CPQ: variants seen among roughly 807,000 people sequenced by gnomAD.
The protein encoded by CPQ is Ser-Met dipeptidase.
Under a neutral mutation model 45.7 loss-of-function variants are expected in CPQ, and 37 were observed. The ratio of observed to expected loss-of-function variants is 0.81; its 90% CI spans 0.62 to 1.07. The LOEUF is 1.07. Among genes scored for constraint, CPQ ranks in the 50% least tolerant of loss-of-function variants. The pLI is 0.00. For synonymous variants in CPQ, 186 were observed against 205.8 expected (o/e 0.90, Z 0.82); for missense variants, 537 against 572.9 (o/e 0.94, Z 0.64).
intron 7 of CPQ, among the ~76,000 whole-genome samples, chr8:97,129,372 C>G (rs2130619960): frequency 6.6e-6 from 1 of 152,252 alleles, no homozygotes; most frequent in East Asian, 1.9e-4. Flanking sequence ...TGCTTATAAT[C>G]ATCATTATTA....
rs1168980922 is a variant in CPQ at position 97,029,419 on chromosome 8, G to A, written c.978G>A (p.Arg326=). The change falls in exon 6 of 8, where the codon AGG becomes AGA. Residue 326 remains arginine, a synonymous_variant. Transcript: ENST00000220763. ...TTTTCCCAGGGCTGCGTCCAAAGAG[G>A]ACTCTGCGGCTGGTGCTCTGGACTG... ...LIKDLGLRPK[R]TLRLVLWTAE... The A allele has an allele frequency of 6.2e-7, 1 of 1,607,272 alleles. No individual in the cohort carries two copies. Among genetic ancestry groups the A allele is most frequent in the Non-Finnish European group, 8.5e-7 (1 of 1,176,426 alleles).
chr8:97,022,755 T>C (rs1315000953), intron 5 of CPQ, among the ~76,000 whole-genome samples: 1 of 151,686 alleles, frequency 6.6e-6, no homozygotes, highest in Non-Finnish European at 1.5e-5. Context: ...ATGCAGTGAA[T>C]AGGGAACACT....
At chr8:97,064,393 T>C (rs116892119) in intron 6 of CPQ, among the ~76,000 whole-genome samples, 3,902 of 152,264 alleles carry the variant, frequency 0.026, 58 homozygotes, top group Middle Eastern at 0.068. Context: ...TGTAAGACAT[T>C]AATGCAAATA....
chr8:97,009,351 T>C (rs915708434), intron 5 of CPQ, among the ~76,000 whole-genome samples: 4 of 152,208 alleles, frequency 2.6e-5, no homozygotes, highest in Non-Finnish European at 1.5e-5. Flanking sequence ...TCCCAGACAC[T>C]TTCCACCTCA....
Position 97,106,144 on chromosome 8 carries a change from T to C in CPQ, c.1256-36876T>C, listed in dbSNP as rs75043029. Among the ~76,000 whole-genome samples, 826 of 152,332 alleles carry C rather than the reference T, an allele frequency of 5.4e-3. 13 individuals carry two copies. In the East Asian group the frequency reaches 0.074, roughly 14 times the overall value. On this transcript the variant is annotated intron_variant, in intron 7 of 7. Transcript: ENST00000220763. ...TGGAGGGCTTGGATTCTGTGCAGGA[T>C]GGATTGTTTGTTTCCTTAATTTATA... is the stretch of plus-strand genomic sequence containing the variant.
intron 1 of CPQ, among the ~76,000 whole-genome samples, chr8:96,741,495 G>C (rs1810091636): frequency 6.6e-6 from 1 of 152,036 alleles, no homozygotes; most frequent in African/African-American, 2.4e-5. Context: ...TCTGATTTTA[G>C]TTATTTCTTG....
At chr8:97,130,416 A>C (rs1383294054) in intron 7 of CPQ, among the ~76,000 whole-genome samples, 1 of 129,204 alleles carries the variant, frequency 7.7e-6, no homozygotes, top group African/African-American at 3.0e-5. Flanking sequence ...TATCATCGTC[A>C]GCTGTTTTTT....
intron 1 of CPQ, among the ~76,000 whole-genome samples, chr8:96,730,371 G>A (rs759037014): frequency 4.6e-5 from 7 of 152,098 alleles, no homozygotes; most frequent in Non-Finnish European, 7.4e-5. Context: ...GTTCTTCTTT[G>A]GTTAAGTTCA....
At chr8:96,681,331 G>C (rs912818654) in intron 1 of CPQ, among the ~76,000 whole-genome samples, 5 of 152,156 alleles carry the variant, frequency 3.3e-5, no homozygotes, top group Admixed American at 2.0e-4. Context: ...TAGGGACTTG[G>C]TACCCTGCAT....
intron 1 of CPQ, among the ~76,000 whole-genome samples, chr8:96,712,331 T>A (rs894141209): frequency 2.0e-5 from 3 of 152,154 alleles, no homozygotes; most frequent in Non-Finnish European, 4.4e-5. Context: ...ACAGTGGCCC[T>A]CTTCTCACAG....
chr8:97,128,119 G>T (rs1035117649), intron 7 of CPQ, among the ~76,000 whole-genome samples: 2 of 152,182 alleles, frequency 1.3e-5, no homozygotes, highest in Admixed American at 6.5e-5. Flanking sequence ...CTATTTTGTT[G>T]TTCATGATAG....
At chr8:96,709,713 T>C (rs892091596) in intron 1 of CPQ, among the ~76,000 whole-genome samples, 1 of 152,222 alleles carries the variant, frequency 6.6e-6, no homozygotes, top group Non-Finnish European at 1.5e-5. Context: ...AAACCATCTC[T>C]GCATCCTTGG....
chr8:97,090,568 T>G (rs867389300), intron 7 of CPQ, among the ~76,000 whole-genome samples: 4 of 152,134 alleles, frequency 2.6e-5, no homozygotes, highest in African/African-American at 7.2e-5. Flanking sequence ...TAAACCACTC[T>G]CTAACTGGTG....
chr8:97,020,447 G>T (rs1432397757), intron 5 of CPQ, among the ~76,000 whole-genome samples: 1 of 151,900 alleles, frequency 6.6e-6, no homozygotes, highest in African/African-American at 2.4e-5. Flanking sequence ...CTGGTTTTTT[G>T]GAAAGATAGA....
chr8:96,855,052 C>T (rs187730446), intron 3 of CPQ, among the ~76,000 whole-genome samples: 2 of 152,228 alleles, frequency 1.3e-5, no homozygotes, highest in East Asian at 3.9e-4. Context: ...TTGAGGGCAG[C>T]AGGGCAGGAG....
intron 7 of CPQ, among the ~76,000 whole-genome samples, chr8:97,098,794 T>C (rs1433859832): frequency 6.6e-6 from 1 of 152,096 alleles, no homozygotes; most frequent in Non-Finnish European, 1.5e-5. Context: ...GGGGAATTTA[T>C]TCAATTGGGT....
At chr8:97,038,865 A>C (rs1370898340) in intron 6 of CPQ, among the ~76,000 whole-genome samples, 1 of 151,096 alleles carries the variant, frequency 6.6e-6, no homozygotes, top group Non-Finnish European at 1.5e-5. Context: ...AAGGCAGGTC[A>C]GATAGTTTAC....
intron 7 of CPQ, among the ~76,000 whole-genome samples, chr8:97,107,997 G>C (rs1811431202): frequency 6.6e-6 from 1 of 152,192 alleles, no homozygotes; most frequent in African/African-American, 2.4e-5. Flanking sequence ...TGTGGATGCT[G>C]ATGCAGGTGA....
intron 1 of CPQ, among the ~76,000 whole-genome samples, chr8:96,710,218 G>A (rs1809588456): frequency 6.6e-6 from 1 of 151,916 alleles, no homozygotes; most frequent in South Asian, 2.1e-4. Flanking sequence ...TTGTATTTCC[G>A]TGCTATTGGT....
Sources: gnomAD v4.1 joint callset for allele counts (sites outside exome capture counted in the v4.1 genomes callset) on GRCh38, gnomAD v4.1.1 for gene constraint, MANE v1.5 for transcripts, NCBI Gene and HGNC (gene_info 2026-07-23, HGNC 2026-07-21) for gene names.